The following MAGI2 variants were observed in gnomAD, a reference collection of about 807,000 sequenced individuals.
MAGI2 encodes the protein membrane-associated guanylate kinase, WW and PDZ domain-containing protein 2.
MAGI2 carries 35 observed loss-of-function variants against 133.3 expected under a neutral mutation model. The observed-to-expected ratio is 0.26, with a 90% CI of 0.20 to 0.35. The LOEUF (loss-of-function observed/expected upper bound fraction) is 0.35, where lower values mean the gene tolerates loss of function less well. Ranked by LOEUF, MAGI2 falls within the 10% of genes least tolerant of loss-of-function variation. MAGI2 has a pLI of 1.00. For missense variants in MAGI2, 1,636 were observed against 1,863.4 expected, an observed-to-expected ratio of 0.88 and a Z score of 2.25; for synonymous variants, 729 against 710.6, an observed-to-expected ratio of 1.03 and a Z score of -0.41.
intron 21 of MAGI2, among the ~76,000 whole-genome samples, chr7:78,070,441 T>C (rs533500396): frequency 7.9e-4 from 117 of 148,068 alleles, no homozygotes; most frequent in African/African-American, 2.8e-3. Flanking sequence ...TATATATATA[T>C]GTGTATATAT....
intron 1 of MAGI2, among the ~76,000 whole-genome samples, chr7:79,265,775 TAAG>T (rs1175619428): frequency 7.2e-5 from 11 of 152,150 alleles, no homozygotes; most frequent in Admixed American, 2.0e-4. Flanking sequence ...AGGCAGGCGC[TAAG>T]AAGGACATTA....
At chr7:78,779,053 C>T in intron 2 of MAGI2, among the ~76,000 whole-genome samples, 1 of 151,974 alleles carries the variant, frequency 6.6e-6, no homozygotes, top group East Asian at 1.9e-4. Context: ...ACTGCAGGCA[C>T]ATGTGCCACC....
intron 10 of MAGI2, among the ~76,000 whole-genome samples, chr7:78,250,526 A>G (rs1226429873): frequency 6.6e-6 from 1 of 152,088 alleles, no homozygotes; most frequent in Non-Finnish European, 1.5e-5. Flanking sequence ...TGGAGAGAAA[A>G]AACTATTAAC....
chr7:78,751,714 C>G (rs1823476406), intron 2 of MAGI2, among the ~76,000 whole-genome samples: 1 of 152,142 alleles, frequency 6.6e-6, no homozygotes, highest in Non-Finnish European at 1.5e-5. Flanking sequence ...CAACTATCAA[C>G]TCAGGACAAA....
intron 1 of MAGI2, among the ~76,000 whole-genome samples, chr7:79,140,822 A>G (rs1822055905): frequency 6.6e-6 from 1 of 152,172 alleles, no homozygotes; most frequent in Non-Finnish European, 1.5e-5. Context: ...ATGTAATCAC[A>G]ATGTAAAAAA....
rs866790698 is a variant in MAGI2 at position 79,110,656 on chromosome 7, G to A, written c.302-103450C>T. 2.6e-4 allele frequency among the ~76,000 whole-genome samples: 39 copies of A among 152,314 alleles called. 1 individual carries two copies. Among genetic ancestry groups the A allele is most frequent in the South Asian group, 2.1e-4 (1 of 4,828 alleles). On this transcript the variant is annotated intron_variant, in intron 1 of 21. Coordinates refer to ENST00000354212, the MANE Select transcript of MAGI2 (RefSeq NM_012301.4). ...GGGACTTTTGAGTTAATGTTGGAAT[G>A]AGTTAAGGCTTTAGGGGACTATTGA...
At chr7:78,230,566 T>G (rs901061300) in intron 10 of MAGI2, among the ~76,000 whole-genome samples, 2 of 152,210 alleles carry the variant, frequency 1.3e-5, no homozygotes, top group Admixed American at 1.3e-4. Flanking sequence ...CTGTTTTTAA[T>G]GATTTTCCAA....
chr7:78,364,482 C>G (rs544859864), intron 7 of MAGI2, among the ~76,000 whole-genome samples: 1 of 152,266 alleles, frequency 6.6e-6, no homozygotes, highest in South Asian at 2.1e-4. Flanking sequence ...ATTTTTCATA[C>G]TTTCTGGAAT....
chr7:78,512,277 A>G (rs1272528378), intron 4 of MAGI2, among the ~76,000 whole-genome samples: 1 of 152,230 alleles, frequency 6.6e-6, no homozygotes. Context: ...TAAGTCTAGA[A>G]GGAGATATTA....
At chr7:78,805,667 A>T (rs563093830) in intron 2 of MAGI2, among the ~76,000 whole-genome samples, 1 of 152,344 alleles carries the variant, frequency 6.6e-6, no homozygotes, top group East Asian at 1.9e-4. Context: ...TGGAAATGAT[A>T]GTATCTGTAA....
rs916455216 is a variant in MAGI2 at position 78,330,408 on chromosome 7, G to A, written c.1408+13370C>T. On this transcript the variant is annotated intron_variant, in intron 9 of 21. Transcript: ENST00000354212. The stretch of plus-strand genomic sequence containing the variant: ...CGAGGCGGGCGGATCACGAGGTCAG[G>A]AGATCGAGACCATCCTGGCTAACAC... Among the ~76,000 whole-genome samples the A allele has an allele frequency of 1.3e-4, 5 of 38,982 alleles. 2 individuals carry two copies. The highest frequency in any genetic ancestry group is 6.3e-4 in the African/African-American group (5 of 7,996). 25.6% of individuals were successfully genotyped at this position (38,982 alleles called of 152,430 possible). A position where few individuals can be genotyped will look rare whatever the true frequency, so the allele number is the denominator to read the frequency against.
At chr7:78,273,133 C>A (rs1206217673) in intron 9 of MAGI2, among the ~76,000 whole-genome samples, 1 of 152,166 alleles carries the variant, frequency 6.6e-6, no homozygotes, top group Non-Finnish European at 1.5e-5. Flanking sequence ...TAAGGCAGGC[C>A]TGGTGGTGAC....
At chr7:79,148,475 G>T (rs924790008) in intron 1 of MAGI2, among the ~76,000 whole-genome samples, 35 of 152,170 alleles carry the variant, frequency 2.3e-4, no homozygotes, top group Middle Eastern at 3.4e-3. Flanking sequence ...CATTCTGTGT[G>T]GTTCTGCTTC....
intron 1 of MAGI2, among the ~76,000 whole-genome samples, chr7:79,316,877 C>T (rs1051204963): frequency 5.9e-5 from 9 of 151,834 alleles, no homozygotes; most frequent in African/African-American, 1.4e-4. Flanking sequence ...TCAAGGCTCA[C>T]GGAAGTTAAA....
intron 9 of MAGI2, among the ~76,000 whole-genome samples, chr7:78,269,336 T>C (rs1490528607): frequency 6.6e-6 from 1 of 152,184 alleles, no homozygotes; most frequent in Non-Finnish European, 1.5e-5. Flanking sequence ...GTATTTCTAG[T>C]TCTAGATCCT....
intron 2 of MAGI2, among the ~76,000 whole-genome samples, chr7:78,698,685 T>C (rs1046485725): frequency 6.6e-6 from 1 of 152,192 alleles, no homozygotes; most frequent in Non-Finnish European, 1.5e-5. Flanking sequence ...CAGTTCAGCA[T>C]GGCTTGGGAG....
At chr7:78,785,226 T>A (rs1826717013) in intron 2 of MAGI2, among the ~76,000 whole-genome samples, 1 of 152,210 alleles carries the variant, frequency 6.6e-6, no homozygotes, top group Non-Finnish European at 1.5e-5. Flanking sequence ...GAGAAAAATC[T>A]ACATCCAAGG....
At chr7:79,252,300 A>G (rs528104908) in intron 1 of MAGI2, among the ~76,000 whole-genome samples, 1 of 152,270 alleles carries the variant, frequency 6.6e-6, no homozygotes, top group Non-Finnish European at 1.5e-5. Context: ...AGGTCATTAC[A>G]TTAAGTAAAA....
chr7:78,230,439 G>A (rs1789847655), intron 10 of MAGI2, among the ~76,000 whole-genome samples: 1 of 152,078 alleles, frequency 6.6e-6, no homozygotes, highest in South Asian at 2.1e-4. Flanking sequence ...GTGTATACAA[G>A]TTTTAAAAAC....
Sources: allele counts gnomAD v4.1 joint callset (sites outside exome capture counted in the v4.1 genomes callset), GRCh38; gene constraint gnomAD v4.1.1; transcripts MANE v1.5; gene names NCBI Gene and HGNC (gene_info 2026-07-23, HGNC 2026-07-21).